The following PRDM16 variants were observed in gnomAD, a reference collection of about 807,000 sequenced individuals.
PRDM16 encodes the protein PR/SET domain 16, also known as histone-lysine N-methyltransferase PRDM16.
Under a neutral mutation model 110.6 loss-of-function variants are expected in PRDM16, and 23 were observed. That is an observed-to-expected ratio of 0.21 (90% confidence interval 0.15 to 0.29). The LOEUF (loss-of-function observed/expected upper bound fraction) is 0.29, where lower values mean the gene tolerates loss of function less well. Ranked by LOEUF, PRDM16 falls within the 10% of genes least tolerant of loss-of-function variation. The pLI is 1.00. For synonymous variants in PRDM16, 799 were observed against 781.8 expected (o/e 1.02, Z -0.37); for missense variants, 1,615 against 1,794.3 (o/e 0.90, Z 1.81).
In PRDM16 at chr1:3,155,785, C is replaced by G. The variant is rs551970554; in HGVS notation, c.38-30340C>G. 2.0e-5 allele frequency among the ~76,000 whole-genome samples: 3 copies of G among 152,336 alleles called. No individual in the cohort carries two copies. In the South Asian group the frequency reaches 6.2e-4, roughly 32 times the overall value. On this transcript the variant is annotated intron_variant, in intron 1 of 16. Coordinates refer to ENST00000270722, the MANE Select transcript of PRDM16 (RefSeq NM_022114.4). Reference sequence around the variant, plus strand: ...TTCGGGGATTCAGTGAGAGACCAGCCTGGCCTCAGCTCAGGGACGCAGCTG... The same window carrying G: ...TTCGGGGATTCAGTGAGAGACCAGCGTGGCCTCAGCTCAGGGACGCAGCTG...
Position 3,223,103 on chromosome 1 carries a change from CTTTT to C in PRDM16, c.388-20962_388-20959del, listed in dbSNP as rs1172383270. Among the ~76,000 whole-genome samples the C allele has an allele frequency of 1.2e-4, 9 of 73,998 alleles. No individual in the cohort carries two copies. In the South Asian group the frequency reaches 2.4e-3, roughly 19 times the overall value. 48.5% of individuals were successfully genotyped at this position (73,998 alleles called of 152,430 possible). A position where few individuals can be genotyped will look rare whatever the true frequency, so the allele number is the denominator to read the frequency against. On this transcript the variant is annotated intron_variant, in intron 2 of 16. Coordinates refer to ENST00000270722, the MANE Select transcript of PRDM16 (RefSeq NM_022114.4). The stretch of plus-strand genomic sequence containing the variant: ...GCCTCCGCCGTGGCCAAAATCAAGG[CTTTT>C]TTTTTTTTTTTTTTTTTTTTTGAGA...
At chr1:3,180,624 C>G (rs916707733) in intron 1 of PRDM16, among the ~76,000 whole-genome samples, 2 of 148,234 alleles carry the variant, frequency 1.3e-5, no homozygotes, top group African/African-American at 5.1e-5. Flanking sequence ...ACGAGGGCAG[C>G]CCGGGGCAGC....
At chr1:3,202,585 G>A (rs558893313) in intron 2 of PRDM16, among the ~76,000 whole-genome samples, 1 of 152,356 alleles carries the variant, frequency 6.6e-6, no homozygotes, top group South Asian at 2.1e-4. Context: ...GTCTGCAGGT[G>A]AAGGATGGTG....
At position 3,244,160 on chromosome 1, in the gene PRDM16, G is replaced by C; in HGVS notation, c.438+23G>C. 6.2e-7 allele frequency: 1 copy of C among 1,612,168 alleles called. No individual in the cohort carries two copies. On this transcript the variant is annotated intron_variant, in intron 3 of 16. Transcript: ENST00000270722. The surrounding 1 kb of genome is among the most constrained non-coding windows in gnomAD (Gnocchi z 4.1). ...AAGGTAGGAGAGCTCGCCCTGCGCCGTCTCAGCTCCCCAGCGTCCTCGGAG... is the reference window on the plus strand; with the variant it reads ...AAGGTAGGAGAGCTCGCCCTGCGCCCTCTCAGCTCCCCAGCGTCCTCGGAG...
chr1:3,200,414 C>T lies in PRDM16; in HGVS notation c.387+13940C>T, dbSNP rs188993552. On this transcript the variant is annotated intron_variant, in intron 2 of 16. Coordinates refer to ENST00000270722, the MANE Select transcript of PRDM16 (RefSeq NM_022114.4). ...CTGGAGTGCAATGGTGCTATCTCCGCTCACTGCAAGCTCCGCCTCCCGGGT... is the reference window on the plus strand; with the variant it reads ...CTGGAGTGCAATGGTGCTATCTCCGTTCACTGCAAGCTCCGCCTCCCGGGT... Among the ~76,000 whole-genome samples, 201 of 152,342 alleles carry T rather than the reference C, an allele frequency of 1.3e-3. 1 individual carries two copies. Among genetic ancestry groups the T allele is most frequent in the African/African-American group, 4.5e-3 (189 of 41,574 alleles).
At chr1:3,088,448 A>ATTATTGTTTAT (rs373778011) in intron 1 of PRDM16, among the ~76,000 whole-genome samples, 1 of 146,026 alleles carries the variant, frequency 6.8e-6, no homozygotes, top group Non-Finnish European at 1.5e-5. Flanking sequence ...GGATTCTTTT[A>ATTATTGTTTAT]TTATTTATTT....
At chr1:3,423,357 C>G (rs72851332) in intron 12 of PRDM16, among the ~76,000 whole-genome samples, 4,942 of 152,288 alleles carry the variant, frequency 0.032, 260 homozygotes, top group African/African-American at 0.11. Flanking sequence ...GCAGCAGCAC[C>G]CGGAAGGTGT....
At chr1:3,385,652 A>G (rs1355675224) in intron 4 of PRDM16, among the ~76,000 whole-genome samples, 1 of 152,244 alleles carries the variant, frequency 6.6e-6, no homozygotes, top group East Asian at 1.9e-4. Flanking sequence ...AGCATAGAGC[A>G]GGAACAGTCA....
chr1:3,164,400 C>T (rs911225322), intron 1 of PRDM16, among the ~76,000 whole-genome samples: 6 of 152,180 alleles, frequency 3.9e-5, no homozygotes, highest in South Asian at 2.1e-4. Flanking sequence ...CTTCTGGGAA[C>T]GATTTCCCAG....
chr1:3,186,543 G>C, intron 2 of PRDM16, 69 bp downstream of exon 2: 1 of 1,080,960 alleles, frequency 9.3e-7, no homozygotes, highest in Non-Finnish European at 1.3e-6. Context: ...TTATAAAGCC[G>C]GGCTGAGCAG....
chr1:3,285,588 G>T (rs1295488048), intron 3 of PRDM16, among the ~76,000 whole-genome samples: 1 of 152,104 alleles, frequency 6.6e-6, no homozygotes, highest in South Asian at 2.1e-4. Context: ...GGGCTTCTTC[G>T]CTCACACCCG....
At chr1:3,325,893 CCTTGGCCCT>C (rs1641879321) in intron 3 of PRDM16, among the ~76,000 whole-genome samples, 1 of 150,792 alleles carries the variant, frequency 6.6e-6, no homozygotes, top group Non-Finnish European at 1.5e-5. Context: ...TCTTGGCCAT[CCTTGGCCCT>C]CTTGGCCCTC....
At chr1:3,312,230 C>T (rs1420643658) in intron 3 of PRDM16, among the ~76,000 whole-genome samples, 2 of 152,242 alleles carry the variant, frequency 1.3e-5, no homozygotes, top group African/African-American at 4.8e-5. Context: ...ACATCCATGG[C>T]GCCGTCAGCA....
At position 3,069,594 on chromosome 1, in the gene PRDM16, G is replaced by T. The variant is rs1385306564; in HGVS notation, c.37+298G>T. Among the ~76,000 whole-genome samples, 1 of 150,096 alleles carries T rather than the reference G, an allele frequency of 6.7e-6. No homozygotes were observed. Among genetic ancestry groups the T allele is most frequent in the Non-Finnish European group, 1.5e-5 (1 of 66,810 alleles). On this transcript the variant is annotated intron_variant, in intron 1 of 16. Coordinates refer to ENST00000270722, the MANE Select transcript of PRDM16 (RefSeq NM_022114.4). The surrounding 1 kb of genome is among the most constrained non-coding windows in gnomAD (Gnocchi z 6.1). ...CGGGCCCGGGAACCCGAGGCGCGCG[G>T]TGGGGGCCGGGGAGGGGGGCGGAGG... is the stretch of plus-strand genomic sequence containing the variant.
At chr1:3,306,843 C>T (rs1279058272) in intron 3 of PRDM16, 3 of 152,180 alleles carry the variant, frequency 2.0e-5, no homozygotes, top group African/African-American at 4.8e-5. Flanking sequence ...CCATGTCCCC[C>T]TGCCCCCAGC....
chr1:3,364,175 A>ACCCACCCAAATCCAC (rs1553168638), intron 3 of PRDM16, among the ~76,000 whole-genome samples: 1 of 152,006 alleles, frequency 6.6e-6, no homozygotes, highest in Non-Finnish European at 1.5e-5. Context: ...TAGGGGTCAG[A>ACCCACCCAAATCCAC]CCCACCCAAA....
chr1:3,337,776 C>T (rs572749821), intron 3 of PRDM16, among the ~76,000 whole-genome samples: 4 of 152,286 alleles, frequency 2.6e-5, no homozygotes, highest in Admixed American at 6.5e-5. Flanking sequence ...CCTGGCTGAC[C>T]GGCATTTCCA....
intron 3 of PRDM16, among the ~76,000 whole-genome samples, chr1:3,332,860 T>C (rs1416910531): frequency 6.6e-6 from 1 of 152,192 alleles, no homozygotes; most frequent in Non-Finnish European, 1.5e-5. Context: ...CATGGAATTC[T>C]ATGATCTGTG....
intron 3 of PRDM16, among the ~76,000 whole-genome samples, chr1:3,365,917 TACAC>T (rs199603782): frequency 0.021 from 2,984 of 143,806 alleles, 47 homozygotes; most frequent in South Asian, 0.06. Flanking sequence ...CATGCACACA[TACAC>T]ACACGCACAC....
Sources: gnomAD v4.1 joint callset for allele counts (sites outside exome capture counted in the v4.1 genomes callset) on GRCh38, gnomAD v4.1.1 for gene constraint, Gnocchi (gnomAD v3.1) non-coding constraint, MANE v1.5 for transcripts, NCBI Gene and HGNC (gene_info 2026-07-23, HGNC 2026-07-21) for gene names.